The following DLGAP2 variants were observed in gnomAD, a reference collection of about 807,000 sequenced individuals.
The protein encoded by DLGAP2 is DLG associated protein 2, also known as disks large-associated protein 2.
A neutral mutation model predicts 100.3 loss-of-function variants in DLGAP2; 26 were observed. The observed-to-expected ratio is 0.26, with a 90% CI of 0.19 to 0.36. The LOEUF (loss-of-function observed/expected upper bound fraction) is 0.36. Among genes scored for constraint, DLGAP2 ranks in the 10% least tolerant of loss-of-function variants. The probability of loss-of-function intolerance (pLI) is 1.00; values close to 1 mark genes in which losing one functional copy is unlikely to be tolerated. For synonymous variants in DLGAP2, 886 were observed against 630.1 expected (o/e 1.41, Z -6.08); for missense variants, 1,858 against 1,453.2 (o/e 1.28, Z -4.53).
intron 3 of DLGAP2, among the ~76,000 whole-genome samples, chr8:1,442,497 C>T (rs575772068): frequency 9.4e-4 from 133 of 141,822 alleles, no homozygotes; most frequent in African/African-American, 3.1e-3. Context: ...CTGGGGGAGA[C>T]GGATCCGGGC....
At chr8:852,194 G>A (rs1797194298) in intron 1 of DLGAP2, among the ~76,000 whole-genome samples, 1 of 152,086 alleles carries the variant, frequency 6.6e-6, no homozygotes, top group African/African-American at 2.4e-5. Flanking sequence ...TTGCTCTGAG[G>A]GATAGGAAAT....
At chr8:1,627,775 G>T (rs1175637583) in intron 7 of DLGAP2, among the ~76,000 whole-genome samples, 2 of 152,010 alleles carry the variant, frequency 1.3e-5, no homozygotes, top group Admixed American at 1.3e-4. Flanking sequence ...ACTTACTGTG[G>T]AGCAGGGATT....
chr8:1,486,504 C>T (rs1413664818), intron 3 of DLGAP2, among the ~76,000 whole-genome samples: 1 of 152,248 alleles, frequency 6.6e-6, no homozygotes, highest in Non-Finnish European at 1.5e-5. Context: ...AGGGGAAAGA[C>T]CCCCTATGGA....
intron 8 of DLGAP2, among the ~76,000 whole-genome samples, chr8:1,651,413 G>C (rs1447183712): frequency 6.6e-6 from 1 of 152,164 alleles, no homozygotes; most frequent in Non-Finnish European, 1.5e-5. Context: ...GGCACCAGCT[G>C]CTGGTGAGGG....
At chr8:1,040,071 TTTCC>T (rs1802282211) in intron 2 of DLGAP2, among the ~76,000 whole-genome samples, 1 of 147,264 alleles carries the variant, frequency 6.8e-6, no homozygotes, top group Non-Finnish European at 1.5e-5. Flanking sequence ...GTCAGCTCGG[TTTCC>T]GTGGTCAGCT....
chr8:1,458,561 T>A (rs7009246), intron 3 of DLGAP2, among the ~76,000 whole-genome samples: 76,726 of 152,026 alleles, frequency 0.5, 19,886 homozygotes, highest in East Asian at 0.84. Flanking sequence ...AGGGAGTTCA[T>A]GAAACCCTAC....
intron 2 of DLGAP2, among the ~76,000 whole-genome samples, chr8:973,080 A>G (rs1800058915): frequency 6.6e-6 from 1 of 152,224 alleles, no homozygotes; most frequent in South Asian, 2.1e-4. Flanking sequence ...CCCCTTTTCT[A>G]TTCGACAAAA....
At chr8:893,272 AATG>A (rs1798073503) in intron 1 of DLGAP2, among the ~76,000 whole-genome samples, 1 of 152,076 alleles carries the variant, frequency 6.6e-6, no homozygotes, top group Admixed American at 6.6e-5. Context: ...CTTTGGGTAA[AATG>A]ATGACGTTTT....
intron 3 of DLGAP2, among the ~76,000 whole-genome samples, chr8:1,293,328 C>T (rs980506074): frequency 9.9e-5 from 15 of 152,134 alleles, no homozygotes; most frequent in African/African-American, 2.7e-4. Context: ...GGCTCCCGGA[C>T]GGCTGAGCCA....
intron 6 of DLGAP2, among the ~76,000 whole-genome samples, chr8:1,609,181 C>T (rs1796916979): frequency 7.3e-6 from 1 of 137,604 alleles, no homozygotes; most frequent in Non-Finnish European, 1.6e-5. Flanking sequence ...ATCAGACTAA[C>T]AGCGGATCTC....
intron 2 of DLGAP2, among the ~76,000 whole-genome samples, chr8:1,149,072 A>G (rs934921095): frequency 6.6e-6 from 1 of 152,218 alleles, no homozygotes; most frequent in African/African-American, 2.4e-5. Flanking sequence ...TTTTGAAGTC[A>G]CATAGTGGGA....
chr8:1,342,010 G>C (rs1219121534), intron 3 of DLGAP2, among the ~76,000 whole-genome samples: 4 of 152,150 alleles, frequency 2.6e-5, no homozygotes. Flanking sequence ...GAGTGCAATG[G>C]TGTGATCTCA....
intron 2 of DLGAP2, among the ~76,000 whole-genome samples, chr8:1,054,396 C>G (rs1802816505): frequency 6.6e-6 from 1 of 152,132 alleles, no homozygotes; most frequent in Non-Finnish European, 1.5e-5. Flanking sequence ...TTGGACTTTA[C>G]TCTTGGCTCC....
At chr8:1,194,162 G>T (rs1310594586) in intron 2 of DLGAP2, among the ~76,000 whole-genome samples, 1 of 152,104 alleles carries the variant, frequency 6.6e-6, no homozygotes, top group Non-Finnish European at 1.5e-5. Flanking sequence ...TTGAGGGGCG[G>T]GGGAATTTTA....
In DLGAP2 at chr8:1,597,868, C is replaced by G. The variant is rs576238169; in HGVS notation, c.1443-28872C>G. Among the ~76,000 whole-genome samples the G allele has an allele frequency of 2.0e-5, 3 of 152,282 alleles. No individual in the cohort carries two copies. In the South Asian group the frequency reaches 6.2e-4, roughly 32 times the overall value. The stretch of plus-strand genomic sequence containing the variant: ...ATTTGAATACCTTTTATTTCTTTCT[C>G]TTGTCTGATTGTCCTGACCAGAACA... On this transcript the variant is annotated intron_variant, in intron 6 of 14. Coordinates refer to ENST00000637795, the MANE Select transcript of DLGAP2 (RefSeq NM_001346810.2).
intron 1 of DLGAP2, among the ~76,000 whole-genome samples, chr8:783,113 G>A (rs534393647): frequency 6.6e-6 from 1 of 152,300 alleles, no homozygotes; most frequent in South Asian, 2.1e-4. Flanking sequence ...CAGATAATGT[G>A]ACCAACACAA....
chr8:1,028,951 G>A (rs1041977112), intron 2 of DLGAP2, among the ~76,000 whole-genome samples: 7 of 152,310 alleles, frequency 4.6e-5, no homozygotes, highest in South Asian at 2.1e-4. Flanking sequence ...CAGGAGGGAC[G>A]TGGGCCCTGA....
intron 2 of DLGAP2, among the ~76,000 whole-genome samples, chr8:1,116,197 C>A (rs952252265): frequency 1.1e-4 from 16 of 152,196 alleles, no homozygotes; most frequent in Non-Finnish European, 1.8e-4. Flanking sequence ...CACTGGCCTT[C>A]CGTGTGAGAA....
At chr8:1,494,745 A>C (rs1259896323) in intron 3 of DLGAP2, among the ~76,000 whole-genome samples, 1 of 151,962 alleles carries the variant, frequency 6.6e-6, no homozygotes, top group East Asian at 1.9e-4. Flanking sequence ...AAGGAAAGAA[A>C]AGAAAAGAAA....
Sources: gnomAD v4.1 joint callset for allele counts (sites outside exome capture counted in the v4.1 genomes callset) on GRCh38, gnomAD v4.1.1 for gene constraint, MANE v1.5 for transcripts, NCBI Gene and HGNC (gene_info 2026-07-23, HGNC 2026-07-21) for gene names.